OTUD7B: variants seen among roughly 807,000 people sequenced by gnomAD.
OTUD7B encodes the protein OTU deubiquitinase 7B.
In OTUD7B, 34 loss-of-function variants were observed where a neutral mutation model predicts 82.2. The ratio of observed to expected loss-of-function variants is 0.41; its 90% CI spans 0.31 to 0.55. The LOEUF (loss-of-function observed/expected upper bound fraction) is 0.55. Among genes scored for constraint, OTUD7B ranks in the 20% least tolerant of loss-of-function variants. The pLI is 0.20. For missense variants in OTUD7B, 944 were observed against 1,062.1 expected (o/e 0.89, Z 1.55); for synonymous variants, 398 against 402.7 (o/e 0.99, Z 0.14).
Position 149,977,430 on chromosome 1 carries a change from T to C in OTUD7B, c.81A>G (p.Leu27=). Residue 27 remains leucine (L), a synonymous_variant, in exon 2 of 12, where the codon CTA becomes CTG. Coordinates refer to ENST00000581312, the MANE Select transcript of OTUD7B (RefSeq NM_020205.4). Reference sequence around the variant, plus strand: ...TTCTCCCCTACAACTCCTCACCTTCTAGGAGATCTCGCGCTAGCCCTGGCT... The same window carrying C: ...TTCTCCCCTACAACTCCTCACCTTCCAGGAGATCTCGCGCTAGCCCTGGCT... The part of the protein sequence containing the change: ...GAEPGLARDL[L]EGKNWDVNAA... The C allele has an allele frequency of 6.2e-7, 1 of 1,610,196 alleles. No homozygotes were observed. Among genetic ancestry groups the C allele is most frequent in the Non-Finnish European group, 8.5e-7 (1 of 1,176,376 alleles).
chr1:149,950,799 C>CTTTTTT (rs782415026), intron 7 of OTUD7B, among the ~76,000 whole-genome samples: 1 of 128,296 alleles, frequency 7.8e-6, no homozygotes, highest in African/African-American at 2.9e-5. Flanking sequence ...GTTTTTTTTT[C>CTTTTTT]TTTTTTTTTT....
chr1:149,954,352 T>C (rs782711628), intron 7 of OTUD7B, among the ~76,000 whole-genome samples: 1 of 152,240 alleles, frequency 6.6e-6, no homozygotes, highest in Non-Finnish European at 1.5e-5. Context: ...ATTATGTTTA[T>C]TGATTTACGT....
chr1:149,969,698 A>G (rs1649777239), intron 3 of OTUD7B, among the ~76,000 whole-genome samples: 1 of 152,142 alleles, frequency 6.6e-6, no homozygotes, highest in Non-Finnish European at 1.5e-5. Context: ...ACCTTTTTGA[A>G]AAAAATTATA....
In OTUD7B at chr1:149,944,350, G is replaced by C. The variant is rs782712770; in HGVS notation, c.2039C>G (p.Pro680Arg). The change falls in exon 12 of 12, where the codon CCA becomes CGA. Residue 680 changes from proline (P) to arginine (R), a missense_variant. Coordinates refer to ENST00000581312, the MANE Select transcript of OTUD7B (RefSeq NM_020205.4). ...DAREEQPTGP[P>R]AESRAMAFST... ...AAATGCCATTGCCCTGGACTCTGCT[G>C]GGGGACCGGTCGGCTGCTCTTCCCT... 1 of 1,613,378 alleles carries C rather than the reference G, an allele frequency of 6.2e-7. No individual in the cohort carries two copies. Among genetic ancestry groups the C allele is most frequent in the Middle Eastern group, 1.7e-4 (1 of 6,056 alleles).
At chr1:149,949,122 A>G in intron 9 of OTUD7B, 39 bp from the exon 10 acceptor site, 1 of 1,270,380 alleles carries the variant, frequency 7.9e-7, no homozygotes, top group Non-Finnish European at 1.1e-6. Context: ...AATCTCCTTA[A>G]GAGAGAAAGG....
At chr1:149,945,948 T>G (rs1647683757) in intron 11 of OTUD7B, among the ~76,000 whole-genome samples, 1 of 151,796 alleles carries the variant, frequency 6.6e-6, no homozygotes. Flanking sequence ...TAATCCCAGC[T>G]ACTCAGGAGG....
Position 149,944,952 on chromosome 1 carries a change from G to A in OTUD7B, c.1437C>T (p.Asn479=), listed in dbSNP as rs140516709. 234 of 1,614,104 alleles carry A rather than the reference G, an allele frequency of 1.4e-4. No homozygotes were observed. In the East Asian group the frequency reaches 4.7e-3, roughly 32 times the overall value. ...ACTTCTCCTTCCGCCGGCCGCCCTC[G>A]TTGCTGGTGGAACTGCTGCCAACTG... ...KESVGSSSTS[N]EGGRRKEKSK... is the part of the protein sequence containing the mutation. The change falls in exon 12 of 12, where the codon AAC becomes AAT. Residue 479 remains asparagine, a synonymous_variant. Coordinates refer to ENST00000581312, the MANE Select transcript of OTUD7B (RefSeq NM_020205.4).
At chr1:150,023,275 A>C in the OTUD7B span, among the ~76,000 whole-genome samples, 1,698 of 152,320 alleles carry the variant, frequency 0.011, 36 homozygotes, top group African/African-American at 0.039. Flanking sequence ...AAATCCAGCA[A>C]TTCAACTTCT....
At chr1:150,065,916 TG>T in the OTUD7B span, among the ~76,000 whole-genome samples, 87 of 147,196 alleles carry the variant, frequency 5.9e-4, no homozygotes, top group African/African-American at 2.3e-3. Flanking sequence ...TGAAATTTTA[TG>T]TGAAATGGAA....
At chr1:149,989,713 T>C (rs1279520141) in intron 1 of OTUD7B, among the ~76,000 whole-genome samples, 2 of 111,370 alleles carry the variant, frequency 1.8e-5, no homozygotes, top group East Asian at 5.5e-4. Context: ...CACTCCAGCC[T>C]GGGTGACAGG....
chr1:149,960,161 T>C (rs1158894230), intron 6 of OTUD7B, among the ~76,000 whole-genome samples: 1 of 151,906 alleles, frequency 6.6e-6, no homozygotes, highest in Non-Finnish European at 1.5e-5. Flanking sequence ...TTCACATGGG[T>C]TATTTTCCTC....
At chr1:149,954,399 A>G (rs970030184) in intron 7 of OTUD7B, among the ~76,000 whole-genome samples, 5 of 152,136 alleles carry the variant, frequency 3.3e-5, no homozygotes, top group African/African-American at 1.2e-4. Context: ...GATGAAGCCA[A>G]CTTGATCTTG....
upstream of OTUD7B, among the ~76,000 whole-genome samples, chr1:150,011,897 A>G (rs1454545297): frequency 6.6e-6 from 1 of 152,156 alleles, no homozygotes; most frequent in African/African-American, 2.4e-5. Flanking sequence ...GCATTTTAGA[A>G]TTGTCTAGCT....
the OTUD7B span, among the ~76,000 whole-genome samples, chr1:150,051,156 G>C: frequency 7.0e-6 from 1 of 142,098 alleles, no homozygotes; most frequent in African/African-American, 2.6e-5. Context: ...TTGAACCCAG[G>C]AAGCAGAGGT....
intron 3 of OTUD7B, among the ~76,000 whole-genome samples, chr1:149,968,258 G>A (rs59462540): frequency 0.11 from 2,669 of 24,864 alleles, 75 homozygotes; most frequent in African/African-American, 0.29. Flanking sequence ...GCAAGACCCC[G>A]TTTCAAAAAA....
At position 149,940,766 on chromosome 1, in the gene OTUD7B, C is replaced by G. The variant is rs1476811003; in HGVS notation, c.*3091G>C. ...GCCCCTTCTTTCCTTCTCCCCAACC[C>G]AGTAACGACATGGGCTTGCCTCTTC... On this transcript the variant is annotated 3_prime_UTR_variant, in exon 12 of 12. Coordinates refer to ENST00000581312, the MANE Select transcript of OTUD7B (RefSeq NM_020205.4). The G allele has an allele frequency of 1.3e-5, 2 of 152,064 alleles. No homozygotes were observed. Among genetic ancestry groups the G allele is most frequent in the African/African-American group, 4.8e-5 (2 of 41,374 alleles). The allele number at this position is 152,064 out of a possible 1,614,324, so 9.4% of individuals were successfully genotyped here.
rs973767200 is a variant in OTUD7B, at chr1:149,942,756, A to C, written c.*1101T>G. On this transcript the variant is annotated 3_prime_UTR_variant, in exon 12 of 12. Coordinates refer to ENST00000581312, the MANE Select transcript of OTUD7B (RefSeq NM_020205.4). ...AGTTCATTCTCCAAAAGTAGAGCAA[A>C]GGGAGAAAGAACCACTTAAGTAGGA... 2.6e-5 allele frequency: 4 copies of C among 152,632 alleles called. No homozygotes were observed. The highest frequency in any genetic ancestry group is 2.6e-4 in the Admixed American group (4 of 15,282). The allele number at this position is 152,632 out of a possible 1,614,324, so 9.5% of individuals were successfully genotyped here. A position where few individuals can be genotyped will look rare whatever the true frequency, so the allele number is the denominator to read the frequency against.
chr1:150,055,649 A>G, the OTUD7B span, among the ~76,000 whole-genome samples: 3 of 152,246 alleles, frequency 2.0e-5, no homozygotes, highest in African/African-American at 7.2e-5. Context: ...ATGCCCATCA[A>G]TGACAGATTG....
chr1:149,992,479 T>G (rs1478371468), intron 1 of OTUD7B, among the ~76,000 whole-genome samples: 5 of 6,830 alleles, frequency 7.3e-4, no homozygotes, highest in African/African-American at 2.3e-3. Context: ...TTTTTTTTTT[T>G]TTTTTTTTTT....
Sources: gnomAD v4.1 joint callset for allele counts (sites outside exome capture counted in the v4.1 genomes callset) on GRCh38, gnomAD v4.1.1 for gene constraint, MANE v1.5 for transcripts, NCBI Gene and HGNC (gene_info 2026-07-23, HGNC 2026-07-21) for gene names.